TEKT3: variants seen among roughly 807,000 people sequenced by gnomAD.
TEKT3 encodes the protein tektin-3.
A neutral mutation model predicts 49.8 loss-of-function variants in TEKT3; 49 were observed. The observed-to-expected ratio is 0.98, with a 90% CI of 0.78 to 1.25. The LOEUF is 1.25. Among genes scored for constraint, TEKT3 ranks in the 50% most tolerant of loss-of-function variants. TEKT3 has a pLI of 0.00. For missense variants in TEKT3, 595 were observed against 629.5 expected, an observed-to-expected ratio of 0.95 and a Z score of 0.59; for synonymous variants, 225 against 237.2, an observed-to-expected ratio of 0.95 and a Z score of 0.47.
intron 2 of TEKT3, among the ~76,000 whole-genome samples, chr17:15,334,147 G>T (rs548947052): frequency 6.6e-5 from 10 of 152,134 alleles, no homozygotes; most frequent in African/African-American, 2.4e-4. Flanking sequence ...CTGCAGCCTT[G>T]AACTCCTAGG....
intron 3 of TEKT3, among the ~76,000 whole-genome samples, chr17:15,329,761 G>A (rs1294793217): frequency 6.6e-6 from 1 of 152,172 alleles, no homozygotes. Flanking sequence ...CAGACTTTCA[G>A]CTCCTTGATT....
chr17:15,314,835 G>A (rs953748098), intron 5 of TEKT3, among the ~76,000 whole-genome samples: 4 of 152,090 alleles, frequency 2.6e-5, no homozygotes, highest in Non-Finnish European at 4.4e-5. Context: ...AGCAGAGATC[G>A]GGAACTAATG....
intron 4 of TEKT3, among the ~76,000 whole-genome samples, chr17:15,321,190 T>C (rs1437386741): frequency 1.3e-5 from 2 of 151,972 alleles, no homozygotes; most frequent in Non-Finnish European, 2.9e-5. Context: ...TTTGTATTTT[T>C]AGTAGAGATG....
chr17:15,337,773 G>A (rs1425926435), intron 2 of TEKT3, among the ~76,000 whole-genome samples: 14 of 152,058 alleles, frequency 9.2e-5, no homozygotes, highest in Non-Finnish European at 1.5e-4. Flanking sequence ...CCTGGGAGGC[G>A]GAGGTTGCAG....
chr17:15,341,606 G>C (rs1437424738), upstream of TEKT3: 2 of 152,256 alleles, frequency 1.3e-5, no homozygotes, highest in South Asian at 2.1e-4. Flanking sequence ...CTGGGGCCCA[G>C]ACCAGTCTGG....
chr17:15,316,090 T>A (rs1055430446), intron 5 of TEKT3, among the ~76,000 whole-genome samples: 1 of 152,206 alleles, frequency 6.6e-6, no homozygotes, highest in African/African-American at 2.4e-5. Context: ...AGTATACATG[T>A]GCGAAGGATG....
chr17:15,339,795 C>T (rs1485825174), intron 2 of TEKT3, among the ~76,000 whole-genome samples: 1 of 151,948 alleles, frequency 6.6e-6, no homozygotes, highest in Admixed American at 6.6e-5. Flanking sequence ...TAAATAGGAG[C>T]GGAAATAAAA....
intron 5 of TEKT3, among the ~76,000 whole-genome samples, chr17:15,317,990 T>A (rs151257154): frequency 3.4e-5 from 1 of 29,630 alleles, no homozygotes. Flanking sequence ...TTTTTTTTTT[T>A]CTTTTTTTTT....
intron 2 of TEKT3, chr17:15,338,671 ATT>A (rs60841981): frequency 0.045 from 4,193 of 94,054 alleles, 121 homozygotes; most frequent in East Asian, 0.19. Flanking sequence ...CACCTGGCTA[ATT>A]TTTTTTTTTT....
intron 2 of TEKT3, among the ~76,000 whole-genome samples, chr17:15,334,486 C>T (rs566183891): frequency 3.3e-5 from 5 of 152,204 alleles, no homozygotes; most frequent in Non-Finnish European, 7.3e-5. Flanking sequence ...GACGTCTCAA[C>T]CCATGTTTGA....
At chr17:15,321,302 C>T (rs889502564) in intron 4 of TEKT3, among the ~76,000 whole-genome samples, 10 of 152,174 alleles carry the variant, frequency 6.6e-5, no homozygotes, top group African/African-American at 2.2e-4. Context: ...AGCCACCATG[C>T]CCGGCCAACA....
At chr17:15,330,704 G>A (rs1911687110) in intron 3 of TEKT3, among the ~76,000 whole-genome samples, 1 of 152,120 alleles carries the variant, frequency 6.6e-6, no homozygotes, top group Admixed American at 6.5e-5. Context: ...ATGTGAGAAT[G>A]GCGGAATACA....
Position 15,329,503 on chromosome 17 carries a change from AG to A in TEKT3, c.580-1429del, listed in dbSNP as rs1911628656. On this transcript the variant is annotated intron_variant, in intron 3 of 8. Coordinates refer to ENST00000395930, the MANE Select transcript of TEKT3 (RefSeq NM_031898.3). ...TATTTTCAATTCTTAAAGGCAGTCA[AG>A]GGTAGGAAGAACTGTAGAATAAACC... Among the ~76,000 whole-genome samples, 5 of 152,380 alleles carry A rather than the reference AG, an allele frequency of 3.3e-5. No homozygotes were observed. The South Asian group carries it at 1.0e-3, about 32-fold the overall frequency.
chr17:15,324,427 CA>C (rs1315539988), intron 4 of TEKT3, among the ~76,000 whole-genome samples: 1 of 152,102 alleles, frequency 6.6e-6, no homozygotes, highest in Non-Finnish European at 1.5e-5. Flanking sequence ...TTTGTTTGGG[CA>C]TATGTTTTCT....
intron 8 of TEKT3, among the ~76,000 whole-genome samples, chr17:15,306,089 ATGTGTGTGTGTG>A (rs58688985): frequency 3.1e-4 from 45 of 144,408 alleles, no homozygotes; most frequent in South Asian, 1.8e-3. Flanking sequence ...ATTTATATAT[ATGTGTGTGTGTG>A]TGTGTGTGTG....
At chr17:15,331,662 C>T (rs1911758772) in intron 2 of TEKT3, 48 bp from the exon 3 acceptor site, 72 of 1,397,630 alleles carry the variant, frequency 5.2e-5, no homozygotes, top group Non-Finnish European at 6.6e-5. Flanking sequence ...AAAATAATCT[C>T]TGGTGAAACA....
rs1910904841 is a variant in TEKT3, at chr17:15,314,248, G to A, written c.735-18C>T. 6.2e-7 allele frequency: 1 copy of A among 1,613,926 alleles called. No individual in the cohort carries two copies. Among genetic ancestry groups the A allele is most frequent in the Non-Finnish European group, 8.5e-7 (1 of 1,179,910 alleles). ...TGTTGGCTCTGCAATACAGAGTCGG[G>A]AAGTGGAGCTTCACACTCAGGTGAC... On this transcript the variant is annotated intron_variant, in intron 5 of 8. Transcript: ENST00000395930.
Position 15,304,722 on chromosome 17 carries a change from T to C in TEKT3, c.1257-570A>G, listed in dbSNP as rs1458974912. Among the ~76,000 whole-genome samples, 1 of 152,160 alleles carries C rather than the reference T, an allele frequency of 6.6e-6. No homozygotes were observed. Among genetic ancestry groups the C allele is most frequent in the Non-Finnish European group, 1.5e-5 (1 of 68,018 alleles). On this transcript the variant is annotated intron_variant, in intron 8 of 8. Coordinates refer to ENST00000395930, the MANE Select transcript of TEKT3 (RefSeq NM_031898.3). The surrounding 1 kb of genome is among the most constrained non-coding windows in gnomAD (Gnocchi z 4.7). ...AAGCAGAGACCCAGGAAGACCTATC[T>C]CATCATCTGCAGACACATCCTGGAA...
In TEKT3 at chr17:15,327,401, A is replaced by G. The variant is rs143279064; in HGVS notation, c.663+591T>C. On this transcript the variant is annotated intron_variant, in intron 4 of 8. Transcript: ENST00000395930. ...CATGGTGGCAGGTGCCTGTAATCCC[A>G]GCTACTTGGGAGGCTGAGGCAGGAG... 7.3e-3 allele frequency among the ~76,000 whole-genome samples: 1,111 copies of G among 152,208 alleles called. 13 individuals are homozygous for G. The highest frequency in any genetic ancestry group is 0.025 in the African/African-American group (1,051 of 41,532).
Sources: allele counts gnomAD v4.1 joint callset (sites outside exome capture counted in the v4.1 genomes callset), GRCh38; gene constraint gnomAD v4.1.1; non-coding constraint Gnocchi (gnomAD v3.1); transcripts MANE v1.5; gene names NCBI Gene and HGNC (gene_info 2026-07-23, HGNC 2026-07-21).